Variants in SCAI observed in about 807,000 individuals in gnomAD.
SCAI encodes protein SCAI.
A neutral mutation model predicts 92.2 loss-of-function variants in SCAI; 24 were observed. The observed-to-expected ratio is 0.26, with a 90% CI of 0.19 to 0.37. The LOEUF is 0.37. Among genes scored for constraint, SCAI ranks in the 10% least tolerant of loss-of-function variants. SCAI has a pLI of 1.00. For missense variants in SCAI, 450 were observed against 736.2 expected (o/e 0.61, Z 4.50); for synonymous variants, 261 against 258.6 (o/e 1.01, Z -0.09).
intron 17 of SCAI, among the ~76,000 whole-genome samples, chr9:124,956,957 T>C (rs1831324254): frequency 6.6e-6 from 1 of 151,918 alleles, no homozygotes; most frequent in Non-Finnish European, 1.5e-5. Context: ...CTAACAAAAT[T>C]TAGCAAGACT....
At chr9:124,995,145 A>G (rs368834809) in intron 13 of SCAI, 130 bp from the exon 14 acceptor site, 20 of 608,704 alleles carry the variant, frequency 3.3e-5, no homozygotes, top group African/African-American at 1.9e-4. Flanking sequence ...TAGTTAAGCA[A>G]AGGGGAAAAA....
intron 2 of SCAI, among the ~76,000 whole-genome samples, chr9:125,056,420 G>A (rs556107522): frequency 6.6e-6 from 1 of 152,184 alleles, no homozygotes; most frequent in Non-Finnish European, 1.5e-5. Flanking sequence ...GAGCCGAGAC[G>A]TGCCATTGCA....
intron 2 of SCAI, among the ~76,000 whole-genome samples, chr9:125,124,896 C>A (rs755654652): frequency 7.9e-5 from 12 of 152,190 alleles, no homozygotes; most frequent in Non-Finnish European, 1.3e-4. Flanking sequence ...TACCTTACGG[C>A]CCTTCCCTTA....
intron 17 of SCAI, chr9:124,968,322 G>A (rs936506238): frequency 8.1e-7 from 1 of 1,234,680 alleles, no homozygotes; most frequent in African/African-American, 1.5e-5. Context: ...ATAGGCCAAG[G>A]AAGACAAGTC....
intron 17 of SCAI, chr9:124,968,245 TG>T (rs1831577557): frequency 2.8e-6 from 3 of 1,056,764 alleles, no homozygotes; most frequent in South Asian, 1.3e-5. Flanking sequence ...ATAATGAAGC[TG>T]GGGTCTTGGC....
At chr9:125,005,077 C>T (rs945541529) in intron 9 of SCAI, among the ~76,000 whole-genome samples, 8 of 151,116 alleles carry the variant, frequency 5.3e-5, no homozygotes, top group South Asian at 4.2e-4. Flanking sequence ...CATGAGCTAC[C>T]GCGCCCAGCC....
intron 2 of SCAI, among the ~76,000 whole-genome samples, chr9:125,076,040 G>A (rs1264484743): frequency 6.6e-6 from 1 of 152,124 alleles, no homozygotes; most frequent in Non-Finnish European, 1.5e-5. Context: ...AAAGATGAGA[G>A]CAACAGTGGC....
chr9:125,121,529 T>C (rs1835154657), intron 2 of SCAI, among the ~76,000 whole-genome samples: 1 of 152,008 alleles, frequency 6.6e-6, no homozygotes. Flanking sequence ...GTTTCCAACA[T>C]TTTCAAACAT....
At chr9:125,134,372 A>C (rs1314435917) in intron 2 of SCAI, among the ~76,000 whole-genome samples, 2 of 152,136 alleles carry the variant, frequency 1.3e-5, no homozygotes, top group Non-Finnish European at 2.9e-5. Flanking sequence ...AACAACGGCC[A>C]CCTCACTCAT....
Position 125,143,504 on chromosome 9 carries a change from C to T in SCAI, c.-67G>A. 1 of 1,281,774 alleles carries T rather than the reference C, an allele frequency of 7.8e-7. No individual in the cohort carries two copies. The allele number at this position is 1,281,774 out of a possible 1,614,324, so 79.4% of individuals were successfully genotyped here. On this transcript the variant is annotated 5_prime_UTR_variant, in exon 1 of 18. Coordinates refer to ENST00000336505, the MANE Select transcript of SCAI (RefSeq NM_001144877.3). ...GGGCTCGCTCGGGAAGCTGAGGCGG[C>T]GGAGGCTGGAGTAGGCGGAGAGGCG... is the stretch of plus-strand genomic sequence containing the variant.
chr9:125,033,258 A>C (rs1833120818), intron 3 of SCAI, among the ~76,000 whole-genome samples: 1 of 152,162 alleles, frequency 6.6e-6, no homozygotes, highest in South Asian at 2.1e-4. Flanking sequence ...GGAAGGCTTG[A>C]GTAGCCAGGA....
chr9:125,087,294 C>A (rs1270607563), intron 2 of SCAI, among the ~76,000 whole-genome samples: 1 of 152,188 alleles, frequency 6.6e-6, no homozygotes, highest in Non-Finnish European at 1.5e-5. Context: ...ATGATGCCCT[C>A]AAGATTAGTA....
chr9:125,047,254 A>G (rs1034665346), intron 3 of SCAI, among the ~76,000 whole-genome samples: 3 of 152,198 alleles, frequency 2.0e-5, no homozygotes, highest in Non-Finnish European at 2.9e-5. Flanking sequence ...AAGAGGCGCC[A>G]GGGCACAAAT....
At chr9:124,983,098 G>A (rs1212221780) in intron 14 of SCAI, among the ~76,000 whole-genome samples, 2 of 151,108 alleles carry the variant, frequency 1.3e-5, no homozygotes, top group Admixed American at 6.6e-5. Flanking sequence ...GCTGCAGTGA[G>A]CTATGACTGT....
At chr9:124,964,000 AAT>A (rs1831494434) in intron 17 of SCAI, among the ~76,000 whole-genome samples, 1 of 152,018 alleles carries the variant, frequency 6.6e-6, no homozygotes, top group Non-Finnish European at 1.5e-5. Flanking sequence ...ATTTTATGCA[AAT>A]ATGTCATAAT....
chr9:124,976,761 A>G (rs1831765513), intron 14 of SCAI, among the ~76,000 whole-genome samples: 2 of 152,250 alleles, frequency 1.3e-5, no homozygotes, highest in South Asian at 4.1e-4. Flanking sequence ...TGGTAAAGCA[A>G]CAAGAAAAAT....
chr9:125,106,093 T>C (rs1256865594), intron 2 of SCAI, among the ~76,000 whole-genome samples: 2 of 20,998 alleles, frequency 9.5e-5, no homozygotes, highest in African/African-American at 2.5e-4. Context: ...TGAGACTCCA[T>C]CTCAAAAAAA....
At chr9:124,991,803 C>CT (rs1313385346) in intron 14 of SCAI, among the ~76,000 whole-genome samples, 3 of 152,186 alleles carry the variant, frequency 2.0e-5, no homozygotes, top group Admixed American at 6.5e-5. Context: ...CACCACTGTA[C>CT]TCCAGCCTGG....
chr9:124,986,847 CTGAT>C (rs967310381), intron 14 of SCAI, among the ~76,000 whole-genome samples: 11 of 152,204 alleles, frequency 7.2e-5, no homozygotes, highest in African/African-American at 2.7e-4. Flanking sequence ...CCTTAAGAAA[CTGAT>C]TGCTGTAGAC....
Sources: allele counts gnomAD v4.1 joint callset (sites outside exome capture counted in the v4.1 genomes callset), GRCh38; gene constraint gnomAD v4.1.1; transcripts MANE v1.5; gene names NCBI Gene and HGNC (gene_info 2026-07-23, HGNC 2026-07-21).